NCAN: variants seen among roughly 807,000 people sequenced by gnomAD.
NCAN encodes neurocan.
NCAN carries 47 observed loss-of-function variants against 121.8 expected under a neutral mutation model. The observed-to-expected ratio is 0.39, with a 90% confidence interval of 0.31 to 0.49. The LOEUF is 0.49. NCAN is among the 20% of genes least tolerant of loss of function. NCAN has a pLI of 0.92. For synonymous variants in NCAN, 633 were observed against 702.0 expected, an observed-to-expected ratio of 0.90 and a Z score of 1.55; for missense variants, 1,517 against 1,773.4, an observed-to-expected ratio of 0.86 and a Z score of 2.60.
In NCAN at chr19:19,214,369, C is replaced by G. The variant is rs887971537; in HGVS notation, c.-8+2305C>G. On this transcript the variant is annotated intron_variant, in intron 1 of 14. Coordinates refer to ENST00000252575, the MANE Select transcript of NCAN (RefSeq NM_004386.3). The stretch of plus-strand genomic sequence containing the variant: ...CAGCTGTGTAAATGCTCATCTCTGG[C>G]CGCCCTGGGGAGGAGGTATTTTAAG... Among the ~76,000 whole-genome samples, 9 of 152,188 alleles carry G rather than the reference C, an allele frequency of 5.9e-5. 1 individual carries two copies. In the Middle Eastern group the frequency reaches 0.027, roughly 460 times the overall value.
chr19:19,214,731 TG>T (rs2060790042), intron 1 of NCAN, among the ~76,000 whole-genome samples: 1 of 110,230 alleles, frequency 9.1e-6, no homozygotes, highest in East Asian at 2.8e-4. Context: ...TAACGGGGTG[TG>T]TGTGTGTGTG....
At chr19:19,237,073 G>A (rs554635002) in intron 10 of NCAN, among the ~76,000 whole-genome samples, 88 of 149,982 alleles carry the variant, frequency 5.9e-4, no homozygotes, top group African/African-American at 2.1e-3. Context: ...ACCACCACAC[G>A]TGACTCAATT....
Position 19,227,298 on chromosome 19 carries a change from A to C in NCAN, c.1678A>C (p.Ser560Arg). 6.4e-7 allele frequency: 1 copy of C among 1,556,260 alleles called. No homozygotes were observed. Among genetic ancestry groups the C allele is most frequent in the East Asian group, 2.3e-5 (1 of 44,258 alleles). The change falls in exon 8 of 15, where the codon AGC (serine) becomes CGC (arginine). Residue 560 changes from serine (S) to arginine (R), a missense_variant. Physicochemically the swap from Ser to Arg is moderately radical, Grantham distance 110 (BLOSUM62 -1). Transcript: ENST00000252575. This position sits in a 1 kb window ranked among gnomAD's most constrained non-coding sequence, Gnocchi z 4.2. ...MPGAGSAGGK[S>R]SPEPWLWPPT... ...TGTTGCAGGTTCTGCTGGTGGCAAG[A>C]GCTCCCCAGAGCCCTGGCTGTGGCC...
chr19:19,248,838 G>A lies in NCAN; in HGVS notation c.3776G>A (p.Arg1259Gln), dbSNP rs768291244. 1.2e-5 allele frequency: 20 copies of A among 1,614,076 alleles called. No individual in the cohort carries two copies. The highest frequency in any genetic ancestry group is 1.6e-4 in the Middle Eastern group (1 of 6,084). ...AQHHVATIRC[R>Q]SNGKWDRPQI... Reference sequence around the variant, plus strand: ...CACCATGTGGCCACCATTCGATGCCGGAGCAATGGCAAGTGGGACAGGCCC... The same window carrying A: ...CACCATGTGGCCACCATTCGATGCCAGAGCAATGGCAAGTGGGACAGGCCC... The change falls in exon 14 of 15, where the codon CGG becomes CAG. Residue 1259 changes from arginine to glutamine, a missense_variant. Transcript: ENST00000252575.
At chr19:19,222,837 G>A (rs969974066) in intron 3 of NCAN, among the ~76,000 whole-genome samples, 7 of 152,072 alleles carry the variant, frequency 4.6e-5, no homozygotes, top group Non-Finnish European at 7.4e-5. Context: ...GGCCGGGCGC[G>A]GTGGCTCATG....
rs1198668726 is a variant in NCAN at position 19,248,887 on chromosome 19, G to A, written c.3820+5G>A. On this transcript the variant is annotated splice_donor_5th_base_variant and intron_variant, in intron 14 of 14. Coordinates refer to ENST00000252575, the MANE Select transcript of NCAN (RefSeq NM_004386.3). ...CCCAAATTGTCTGCACCAAACGTAA[G>A]TAGCTTCTCCCAGAGATCTCAACAT... 1 of 1,613,368 alleles carries A rather than the reference G, an allele frequency of 6.2e-7. No homozygotes were observed. Among genetic ancestry groups the A allele is most frequent in the African/African-American group, 1.3e-5 (1 of 74,924 alleles).
In NCAN at chr19:19,227,467, C is replaced by T. The variant is rs202175922; in HGVS notation, c.1847C>T (p.Pro616Leu). Residue 616 changes from proline to leucine, a missense_variant, in exon 8 of 15, where the codon CCT (proline) becomes CTT (leucine). Coordinates refer to ENST00000252575, the MANE Select transcript of NCAN (RefSeq NM_004386.3). The surrounding 1 kb of genome is among the most constrained non-coding windows in gnomAD (Gnocchi z 4.2). ...GAGGCCACTGTCTCAGCTCCCAGCC[C>T]TGCCCCCTGGGAGGCATTCCCTGTG... Reference protein sequence around the residue: ...PLEATVSAPSPAPWEAFPVAT... With the variant: ...PLEATVSAPSLAPWEAFPVAT... 6.3e-5 allele frequency: 102 copies of T among 1,613,614 alleles called. No individual in the cohort carries two copies. Among genetic ancestry groups the T allele is most frequent in the Non-Finnish European group, 8.5e-5 (100 of 1,179,868 alleles).
chr19:19,235,313 A>G (rs2060876986), intron 10 of NCAN, among the ~76,000 whole-genome samples: 1 of 152,230 alleles, frequency 6.6e-6, no homozygotes, highest in South Asian at 2.1e-4. Flanking sequence ...TCTGTCACCC[A>G]GGCTGGAGTG....
intron 8 of NCAN, among the ~76,000 whole-genome samples, chr19:19,232,287 T>C (rs1173177561): frequency 6.6e-6 from 1 of 152,176 alleles, no homozygotes; most frequent in Non-Finnish European, 1.5e-5. Flanking sequence ...CACCCGCCGC[T>C]TGCAGAAGAA....
intron 13 of NCAN, 122 bp from the exon 14 acceptor site, chr19:19,248,578 G>C (rs2060934357): frequency 2.2e-6 from 2 of 916,502 alleles, no homozygotes; most frequent in Admixed American, 2.5e-5. Flanking sequence ...TGAGGCAAGA[G>C]CGCGCCACTG....
intron 8 of NCAN, among the ~76,000 whole-genome samples, chr19:19,231,072 G>C (rs967261932): frequency 6.6e-6 from 1 of 151,994 alleles, no homozygotes; most frequent in Admixed American, 6.6e-5. Context: ...ATGTCCAGGA[G>C]GCAGGCCGAC....
chr19:19,230,883 CTGTGTGTG>C (rs367759381), intron 8 of NCAN, among the ~76,000 whole-genome samples: 2,421 of 121,816 alleles, frequency 0.02, 79 homozygotes, highest in African/African-American at 0.068. Context: ...CCACACCCGG[CTGTGTGTG>C]TGTGTGTGTG....
intron 1 of NCAN, among the ~76,000 whole-genome samples, chr19:19,214,035 A>C (rs1293246133): frequency 6.6e-6 from 1 of 151,904 alleles, no homozygotes; most frequent in Non-Finnish European, 1.5e-5. Context: ...CACACACAAC[A>C]TGCACCCACC....
At chr19:19,214,059 G>A (rs1440959062) in intron 1 of NCAN, among the ~76,000 whole-genome samples, 2 of 152,018 alleles carry the variant, frequency 1.3e-5, no homozygotes, top group Admixed American at 1.3e-4. Context: ...TGGCACAACC[G>A]CCTTCACACC....
At chr19:19,222,890 C>G (rs1219599476) in intron 3 of NCAN, among the ~76,000 whole-genome samples, 1 of 151,868 alleles carries the variant, frequency 6.6e-6, no homozygotes, top group African/African-American at 2.4e-5. Flanking sequence ...GGGCGGATCA[C>G]GAGGTCAGGA....
rs2060840678 is a variant in NCAN at position 19,227,194 on chromosome 19, C to T, written c.1661-87C>T. ...CAAATCCCAGCTGGGTCCTCTGGCC[C>T]CAGAAGCCCCCTCTCCCTTGGGCCT... On this transcript the variant is annotated intron_variant, in intron 7 of 14. Transcript: ENST00000252575. The surrounding 1 kb of genome is among the most constrained non-coding windows in gnomAD (Gnocchi z 4.2). 2 of 1,495,224 alleles carry T rather than the reference C, an allele frequency of 1.3e-6. No individual in the cohort carries two copies. Among genetic ancestry groups the T allele is most frequent in the South Asian group, 1.4e-5 (1 of 72,694 alleles). The allele number at this position is 1,495,224 out of a possible 1,614,324, so 92.6% of individuals were successfully genotyped here.
In NCAN at chr19:19,245,414, C is replaced by T. The variant is rs773196355; in HGVS notation, c.3594C>T (p.Val1198=). The change falls in exon 13 of 15, where the codon GTC becomes GTT. Residue 1198 remains valine, a synonymous_variant. Coordinates refer to ENST00000252575, the MANE Select transcript of NCAN (RefSeq NM_004386.3). The part of the protein sequence containing the change: ...VAHESGRWND[V]PCNYNLPYVC... ...ATGAAAGCGGGCGCTGGAACGATGT[C>T]CCCTGCAACTACAACCTACCCTATG... 22 of 1,614,200 alleles carry T rather than the reference C, an allele frequency of 1.4e-5. No homozygotes were observed. The South Asian group carries it at 2.0e-4, about 14-fold the overall frequency.
At chr19:19,224,869 C>T in intron 5 of NCAN, 108 bp from the exon 6 acceptor site, 1 of 1,031,122 alleles carries the variant, frequency 9.7e-7, no homozygotes, top group Non-Finnish European at 1.3e-6. Context: ...CCTCTTCTAA[C>T]CACCACCCTA....
intron 11 of NCAN, 125 bp from the exon 12 acceptor site, chr19:19,240,478 C>T (rs1243864774): frequency 1.3e-5 from 11 of 855,144 alleles, no homozygotes; most frequent in Non-Finnish European, 5.9e-6. Flanking sequence ...ACCCAGCCCA[C>T]CTCCAGGCTG....
Sources: gnomAD v4.1 joint callset for allele counts (sites outside exome capture counted in the v4.1 genomes callset) on GRCh38, gnomAD v4.1.1 for gene constraint, Gnocchi (gnomAD v3.1) non-coding constraint, MANE v1.5 for transcripts, NCBI Gene and HGNC (gene_info 2026-07-23, HGNC 2026-07-21) for gene names.